AFTPH: variants seen among roughly 807,000 people sequenced by gnomAD.
The protein encoded by AFTPH is aftiphilin protein.
AFTPH carries 7 observed loss-of-function variants against 72.5 expected under a neutral mutation model. The observed-to-expected ratio is 0.10, with a 90% CI of 0.05 to 0.18. AFTPH has a LOEUF of 0.18. Ranked by LOEUF, AFTPH falls within the 10% of genes least tolerant of loss-of-function variation. The probability of loss-of-function intolerance (pLI) is 1.00; values close to 1 mark genes in which losing one functional copy is unlikely to be tolerated. For missense variants in AFTPH, 979 were observed against 1,060.5 expected (o/e 0.92, Z 1.07); for synonymous variants, 337 against 370.1 (o/e 0.91, Z 1.03).
intron 1 of AFTPH, among the ~76,000 whole-genome samples, chr2:64,529,608 T>C (rs1669499943): frequency 1.3e-5 from 2 of 149,182 alleles, no homozygotes; most frequent in African/African-American, 5.0e-5. Context: ...TCATAGAAAA[T>C]AGACAAGCAA....
At chr2:64,531,008 G>T (rs900776047) in intron 1 of AFTPH, among the ~76,000 whole-genome samples, 4 of 137,452 alleles carry the variant, frequency 2.9e-5, no homozygotes, top group Admixed American at 2.4e-4. Flanking sequence ...ATTGCAGTGA[G>T]CCTAGATCAC....
intron 1 of AFTPH, among the ~76,000 whole-genome samples, chr2:64,540,483 A>G (rs1323836595): frequency 6.6e-6 from 1 of 152,182 alleles, no homozygotes; most frequent in Non-Finnish European, 1.5e-5. Context: ...TGCAAATAAA[A>G]TATGTTATTA....
intron 7 of AFTPH, among the ~76,000 whole-genome samples, chr2:64,584,859 G>A (rs1673416558): frequency 6.6e-6 from 1 of 152,122 alleles, no homozygotes; most frequent in Non-Finnish European, 1.5e-5. Flanking sequence ...GCCTCCCAAA[G>A]TGCTGGGATT....
intron 2 of AFTPH, among the ~76,000 whole-genome samples, chr2:64,553,909 A>G (rs1035507721): frequency 1.1e-4 from 17 of 152,204 alleles, no homozygotes; most frequent in African/African-American, 4.1e-4. Context: ...AACAAGCAGA[A>G]TTTGAAACCT....
At chr2:64,552,298 C>A in exon 2 of AFTPH, 2 of 1,614,064 alleles carry the variant, frequency 1.2e-6, no homozygotes, top group Non-Finnish European at 1.7e-6. Context: ...GAACTGAATT[C>A]TGTAAAAGAA....
chr2:64,537,482 A>G (rs1229519770), intron 1 of AFTPH, among the ~76,000 whole-genome samples: 2 of 152,234 alleles, frequency 1.3e-5, no homozygotes. Context: ...TTCGTATGCT[A>G]CTAAACTGCA....
At chr2:64,536,583 AAAAAAAG>A (rs1669901949) in intron 1 of AFTPH, among the ~76,000 whole-genome samples, 1 of 150,850 alleles carries the variant, frequency 6.6e-6, no homozygotes, top group African/African-American at 2.4e-5. Context: ...AAAAAAAAAA[AAAAAAAG>A]AATATAGAGA....
intron 1 of AFTPH, among the ~76,000 whole-genome samples, chr2:64,528,784 AG>A (rs1240938608): frequency 6.6e-6 from 1 of 151,966 alleles, no homozygotes; most frequent in Non-Finnish European, 1.5e-5. Context: ...AGAGGGTGAG[AG>A]GGGCAGTGTT....
At chr2:64,537,775 C>G (rs932169508) in intron 1 of AFTPH, among the ~76,000 whole-genome samples, 2 of 152,074 alleles carry the variant, frequency 1.3e-5, no homozygotes, top group African/African-American at 2.4e-5. Flanking sequence ...ATACACAATT[C>G]TGTAAAGAGA....
chr2:64,537,645 G>A (rs945538377), intron 1 of AFTPH, among the ~76,000 whole-genome samples: 1 of 152,086 alleles, frequency 6.6e-6, no homozygotes, highest in South Asian at 2.1e-4. Context: ...TTGCCAAAGT[G>A]TTCCAGTTTT....
chr2:64,540,496 A>C (rs1346582473), intron 1 of AFTPH, among the ~76,000 whole-genome samples: 1 of 152,176 alleles, frequency 6.6e-6, no homozygotes, highest in Non-Finnish European at 1.5e-5. Flanking sequence ...TGTTATTATG[A>C]ATTTGTGTAG....
At chr2:64,577,602 A>G (rs1558628402) in intron 6 of AFTPH, among the ~76,000 whole-genome samples, 4 of 152,208 alleles carry the variant, frequency 2.6e-5, no homozygotes, top group Non-Finnish European at 4.4e-5. Flanking sequence ...AATATGCCCA[A>G]AGGTGTCACT....
At position 64,590,005 on chromosome 2, in the gene AFTPH, C is replaced by T. The variant is rs75371691; in HGVS notation, c.2580-1880C>T. 1.6e-3 allele frequency among the ~76,000 whole-genome samples: 232 copies of T among 148,466 alleles called. 1 individual carries two copies. Among genetic ancestry groups the T allele is most frequent in the African/African-American group, 5.6e-3 (225 of 40,356 alleles). On this transcript the variant is annotated intron_variant, in intron 8 of 8. Coordinates refer to ENST00000238856, the Ensembl canonical transcript of AFTPH. Reference sequence around the variant, plus strand: ...TTTAGAGGTCATAGTGAATTGACCTCTAAAATTGACCTAGTCTTAGTCAGT... The same window carrying T: ...TTTAGAGGTCATAGTGAATTGACCTTTAAAATTGACCTAGTCTTAGTCAGT...
At chr2:64,536,663 G>C (rs1669908223) in intron 1 of AFTPH, among the ~76,000 whole-genome samples, 1 of 151,018 alleles carries the variant, frequency 6.6e-6, no homozygotes, top group Non-Finnish European at 1.5e-5. Context: ...AATCAAAAGA[G>C]AATTGCCAGC....
intron 1 of AFTPH, among the ~76,000 whole-genome samples, chr2:64,539,926 G>A (rs1029669836): frequency 6.6e-6 from 1 of 152,070 alleles, no homozygotes; most frequent in Non-Finnish European, 1.5e-5. Context: ...CAGAAGAGAG[G>A]ATTCTGTTTT....
chr2:64,537,489 T>C (rs1669961896), intron 1 of AFTPH, among the ~76,000 whole-genome samples: 1 of 152,236 alleles, frequency 6.6e-6, no homozygotes, highest in Non-Finnish European at 1.5e-5. Flanking sequence ...GCTACTAAAC[T>C]GCAATAGGGT....
At chr2:64,552,765 G>C (rs140646881) in exon 2 of AFTPH, 5 of 1,613,982 alleles carry the variant, frequency 3.1e-6, no homozygotes, top group Non-Finnish European at 4.2e-6. Flanking sequence ...CAATGAAGAT[G>C]ATTTTGGTGA....
rs566275123 is a variant in AFTPH, at chr2:64,526,105, C to CT, written c.-33+1494dup. Among the ~76,000 whole-genome samples, 15 of 152,266 alleles carry CT rather than the reference C, an allele frequency of 9.9e-5. No homozygotes were observed. The East Asian group carries it at 1.5e-3, about 16-fold the overall frequency. ...TTTTAATGTTTGCTGATCTTTTGAC[C>CT]TAGAGACTGTTAAAAAATAATCCCG... On this transcript the variant is annotated intron_variant, in intron 1 of 8. Coordinates refer to ENST00000238856, the Ensembl canonical transcript of AFTPH.
chr2:64,555,542 CAG>C (rs1011599778), intron 2 of AFTPH, among the ~76,000 whole-genome samples: 5 of 145,058 alleles, frequency 3.4e-5, no homozygotes, highest in Admixed American at 7.0e-5. Context: ...GGCTAGGCTA[CAG>C]AGAGAGACTG....
Sources: gnomAD v4.1 joint callset for allele counts (sites outside exome capture counted in the v4.1 genomes callset) on GRCh38, gnomAD v4.1.1 for gene constraint, MANE v1.5 for transcripts, NCBI Gene and HGNC (gene_info 2026-07-23, HGNC 2026-07-21) for gene names.